LRRC38: variants seen among roughly 807,000 people sequenced by gnomAD.
LRRC38 encodes leucine-rich repeat-containing protein 38.
LRRC38 carries 5 observed loss-of-function variants against 16.4 expected under a neutral mutation model. The ratio of observed to expected loss-of-function variants is 0.31; its 90% CI spans 0.16 to 0.64. LRRC38 has a LOEUF of 0.64. LRRC38 is among the 30% of genes least tolerant of loss of function. The probability of loss-of-function intolerance (pLI) is 0.80; values close to 1 mark genes in which losing one functional copy is unlikely to be tolerated. For missense variants in LRRC38, 341 were observed against 401.8 expected, an observed-to-expected ratio of 0.85 and a Z score of 1.29; for synonymous variants, 191 against 190.2, an observed-to-expected ratio of 1.00 and a Z score of -0.04.
At chr1:13,506,142 G>A (rs1448342848) in intron 1 of LRRC38, among the ~76,000 whole-genome samples, 1 of 152,158 alleles carries the variant, frequency 6.6e-6, no homozygotes, top group Admixed American at 6.5e-5. Flanking sequence ...GATCGCACAG[G>A]ATGGGCTCCC....
intron 1 of LRRC38, among the ~76,000 whole-genome samples, chr1:13,479,098 G>C (rs536050217): frequency 2.0e-5 from 3 of 151,756 alleles, no homozygotes; most frequent in East Asian, 3.9e-4. Flanking sequence ...AAACAGGAGA[G>C]CTTTATCTTT....
rs1243446414 is a variant in LRRC38 at position 13,513,099 on chromosome 1, G to A, written c.495C>T (p.Arg165=). 1.9e-6 allele frequency: 3 copies of A among 1,550,408 alleles called. No individual in the cohort carries two copies. Among genetic ancestry groups the A allele is most frequent in the South Asian group, 2.4e-5 (2 of 84,052 alleles). The change falls in exon 1 of 2, where the codon CGC becomes CGT. Residue 165 remains arginine, a synonymous_variant. Coordinates refer to ENST00000376085, the MANE Select transcript of LRRC38 (RefSeq NM_001010847.2). ...CGGCCAGGGCGGCCACGCTGAGGCT[G>A]CGCAGGTTGTTGTCGTTGAGCTCCA... The part of the protein sequence containing the change: ...QVLELNDNNL[R]SLSVAALAAL...
In LRRC38 at chr1:13,513,568, G is replaced by A. The variant is rs1250611029; in HGVS notation, c.26C>T (p.Ala9Val). The A allele has an allele frequency of 2.5e-5, 30 of 1,211,890 alleles. No individual in the cohort carries two copies. The highest frequency in any genetic ancestry group is 3.0e-5 in the Non-Finnish European group (29 of 976,124). The allele number at this position is 1,211,890 out of a possible 1,614,324, so 75.1% of individuals were successfully genotyped here. A position where few individuals can be genotyped will look rare whatever the true frequency, so the allele number is the denominator to read the frequency against. The stretch of plus-strand genomic sequence containing the variant: ...GCTGCAGAGCCCGAGCGCCGCGGCG[G>A]CGCAGGCTGGGGCTCGGGGGCGCAT... MRPRAPAC[A>V]AAALGLCSLL... The change falls in exon 1 of 2, where the codon GCC becomes GTC. Residue 9 changes from alanine to valine, a missense_variant. Ala to Val is a moderately conservative substitution (Grantham distance 64). Transcript: ENST00000376085.
chr1:13,485,834 T>C (rs1412378451), intron 1 of LRRC38, among the ~76,000 whole-genome samples: 3 of 152,206 alleles, frequency 2.0e-5, no homozygotes, highest in Non-Finnish European at 2.9e-5. Flanking sequence ...TATCCTCTCA[T>C]AGTTTGGGAG....
intron 1 of LRRC38, among the ~76,000 whole-genome samples, chr1:13,509,649 T>G (rs553654878): frequency 2.6e-5 from 4 of 152,276 alleles, no homozygotes; most frequent in Admixed American, 6.5e-5. Flanking sequence ...GAGGGGTCTT[T>G]GGAGGTCACG....
intron 1 of LRRC38, among the ~76,000 whole-genome samples, chr1:13,490,557 G>C (rs1638999087): frequency 6.6e-6 from 1 of 152,090 alleles, no homozygotes; most frequent in Non-Finnish European, 1.5e-5. Flanking sequence ...TGCCACTGCT[G>C]CTCCCACCAC....
intron 1 of LRRC38, among the ~76,000 whole-genome samples, chr1:13,504,760 A>G (rs1158709905): frequency 8.3e-5 from 3 of 36,036 alleles, no homozygotes; most frequent in African/African-American, 1.4e-4. Flanking sequence ...AGGGGAGGGG[A>G]GGGGAAGGGA....
intron 1 of LRRC38, among the ~76,000 whole-genome samples, chr1:13,486,471 CAT>C (rs1248234803): frequency 6.6e-5 from 10 of 152,128 alleles, no homozygotes; most frequent in Admixed American, 6.5e-4. Flanking sequence ...ATAGGAATCA[CAT>C]ATTTCATACC....
intron 1 of LRRC38, among the ~76,000 whole-genome samples, chr1:13,509,937 AC>A (rs1300995416): frequency 6.6e-6 from 1 of 151,732 alleles, no homozygotes; most frequent in Admixed American, 6.6e-5. Flanking sequence ...TCAGCCCCCT[AC>A]CCCCAGGCCC....
In LRRC38 at chr1:13,475,660, T is replaced by C; in HGVS notation, c.*186A>G. On this transcript the variant is annotated 3_prime_UTR_variant, in exon 2 of 2. Transcript: ENST00000376085. This position sits in a 1 kb window ranked among gnomAD's most constrained non-coding sequence, Gnocchi z 4.3. Reference sequence around the variant, plus strand: ...CTCCATCCTTCCTGGGCTTCTGTGCTCTGCTGATTCTAAACTCTGAGATCA... The same window carrying C: ...CTCCATCCTTCCTGGGCTTCTGTGCCCTGCTGATTCTAAACTCTGAGATCA... 1.5e-6 allele frequency: 1 copy of C among 685,742 alleles called. No homozygotes were observed. The highest frequency in any genetic ancestry group is 2.4e-6 in the Non-Finnish European group (1 of 418,978). The allele number at this position is 685,742 out of a possible 1,614,324, so 42.5% of individuals were successfully genotyped here.
In LRRC38 at chr1:13,475,619, CTCCAGGAATAATTCCCTCCATCCTT is replaced by C; in HGVS notation, c.*202_*226del. On this transcript the variant is annotated 3_prime_UTR_variant, in exon 2 of 2. Coordinates refer to ENST00000376085, the MANE Select transcript of LRRC38 (RefSeq NM_001010847.2). The surrounding 1 kb of genome is among the most constrained non-coding windows in gnomAD (Gnocchi z 4.3). The stretch of plus-strand genomic sequence containing the variant: ...ACCTCGATCTGAGAGGCAGGTTATG[CTCCAGGAATAATTCCCTCCATCCTT>C]CCTGGGCTTCTGTGCTCTGCTGATT... The C allele has an allele frequency of 7.2e-6, 4 of 551,790 alleles. No individual in the cohort carries two copies. The highest frequency in any genetic ancestry group is 1.3e-5 in the Non-Finnish European group (4 of 315,654). The allele number at this position is 551,790 out of a possible 1,614,324, so 34.2% of individuals were successfully genotyped here. A position where few individuals can be genotyped will look rare whatever the true frequency, so the allele number is the denominator to read the frequency against.
rs1005264844 is a variant in LRRC38 at position 13,487,769 on chromosome 1, G to A, written c.632-11670C>T. Among the ~76,000 whole-genome samples the A allele has an allele frequency of 2.0e-5, 3 of 152,144 alleles. No individual in the cohort carries two copies. The highest frequency in any genetic ancestry group is 2.9e-5 in the Non-Finnish European group (2 of 68,024). On this transcript the variant is annotated intron_variant, in intron 1 of 1. Transcript: ENST00000376085. This position sits in a 1 kb window ranked among gnomAD's most constrained non-coding sequence, Gnocchi z 4.4. Reference sequence around the variant, plus strand: ...TGAGATTAATCTCTTGCACCGGACCGGCCCCTTGCCAACAAACAGGCCTGC... The same window carrying A: ...TGAGATTAATCTCTTGCACCGGACCAGCCCCTTGCCAACAAACAGGCCTGC...
intron 1 of LRRC38, among the ~76,000 whole-genome samples, chr1:13,512,039 C>A (rs370293425): frequency 6.6e-6 from 1 of 152,242 alleles, no homozygotes; most frequent in Non-Finnish European, 1.5e-5. Context: ...CTGCTGAAAT[C>A]TTGGGAGCAA....
At position 13,513,358 on chromosome 1, in the gene LRRC38, T is replaced by G; in HGVS notation, c.236A>C (p.Tyr79Ser). 1 of 1,550,682 alleles carries G rather than the reference T, an allele frequency of 6.4e-7. No homozygotes were observed. Among genetic ancestry groups the G allele is most frequent in the South Asian group, 1.2e-5 (1 of 84,058 alleles). Reference protein sequence around the residue: ...QRIPEDFFIFYGDLVYLDFRN... With the variant: ...QRIPEDFFIFSGDLVYLDFRN... ...GAAGTCCAGGTAGACCAGGTCGCCG[T>G]AGAAGATGAAGAAGTCCTCGGGGAT... is the stretch of plus-strand genomic sequence containing the variant. Residue 79 changes from tyrosine to serine, a missense_variant, in exon 1 of 2, where the codon TAC (tyrosine) becomes TCC (serine). Coordinates refer to ENST00000376085, the MANE Select transcript of LRRC38 (RefSeq NM_001010847.2).
Position 13,478,345 on chromosome 1 carries a change from C to A in LRRC38, c.632-2246G>T, listed in dbSNP as rs374485115. Among the ~76,000 whole-genome samples the A allele has an allele frequency of 1.4e-4, 21 of 152,304 alleles. No individual in the cohort carries two copies. In the South Asian group the frequency reaches 4.4e-3, roughly 32 times the overall value. ...TTATGAGGTAAGTACTGTTATTATG[C>A]CCATTTCATGGATGAGAAAACTGAG... On this transcript the variant is annotated intron_variant, in intron 1 of 1. Coordinates refer to ENST00000376085, the MANE Select transcript of LRRC38 (RefSeq NM_001010847.2).
intron 1 of LRRC38, among the ~76,000 whole-genome samples, chr1:13,479,083 G>C (rs1398116679): frequency 6.6e-6 from 1 of 151,778 alleles, no homozygotes; most frequent in Non-Finnish European, 1.5e-5. Flanking sequence ...AAATGCATTT[G>C]AATAAAACAG....
chr1:13,493,215 C>T (rs1237529827), intron 1 of LRRC38, among the ~76,000 whole-genome samples: 1 of 152,080 alleles, frequency 6.6e-6, no homozygotes, highest in Admixed American at 6.6e-5. Flanking sequence ...CCAGGGAAGA[C>T]CCAGGTTCCC....
chr1:13,508,910 C>T (rs180688252), intron 1 of LRRC38, among the ~76,000 whole-genome samples: 16 of 152,284 alleles, frequency 1.1e-4, no homozygotes, highest in African/African-American at 3.9e-4. Context: ...GGAGAGGCTC[C>T]CCCAGCAAGC....
Position 13,513,418 on chromosome 1 carries a change from C to A in LRRC38, c.176G>T (p.Arg59Leu). 6.4e-7 allele frequency: 1 copy of A among 1,550,410 alleles called. No individual in the cohort carries two copies. The highest frequency in any genetic ancestry group is 8.7e-7 in the Non-Finnish European group (1 of 1,146,868). ...SVPDPFPLDV[R>L]KLLVAGNRIQ... Reference sequence around the variant, plus strand: ...GCGGTTGCCGGCCACCAGCAGCTTGCGCACGTCCAGGGGGAAAGGGTCTGG... The same window carrying A: ...GCGGTTGCCGGCCACCAGCAGCTTGAGCACGTCCAGGGGGAAAGGGTCTGG... Residue 59 changes from arginine (R) to leucine (L), a missense_variant, in exon 1 of 2, where the codon CGC becomes CTC. Transcript: ENST00000376085.
Sources: allele counts gnomAD v4.1 joint callset (sites outside exome capture counted in the v4.1 genomes callset), GRCh38; gene constraint gnomAD v4.1.1; non-coding constraint Gnocchi (gnomAD v3.1); transcripts MANE v1.5; gene names NCBI Gene and HGNC (gene_info 2026-07-23, HGNC 2026-07-21).